Variants in ADAMTSL1 observed in about 807,000 individuals in gnomAD.
The protein encoded by ADAMTSL1 is ADAMTS like 1.
ADAMTSL1 carries 126 observed loss-of-function variants against 201.8 expected under a neutral mutation model. The ratio of observed to expected loss-of-function variants is 0.62; its 90% confidence interval spans 0.54 to 0.72. The LOEUF is 0.72. ADAMTSL1 is among the 30% of genes least tolerant of loss of function. ADAMTSL1 has a pLI of 0.00. For synonymous variants in ADAMTSL1, 1,121 were observed against 903.4 expected (o/e 1.24, Z -4.32); for missense variants, 2,679 against 2,277.8 (o/e 1.18, Z -3.59).
intron 14 of ADAMTSL1, among the ~76,000 whole-genome samples, chr9:18,710,769 A>G (rs929939882): frequency 2.0e-5 from 3 of 149,492 alleles, no homozygotes; most frequent in African/African-American, 2.5e-5. Flanking sequence ...GGGTTGGTCA[A>G]TTTAAATACT....
chr9:17,928,100 T>C (rs1455670361), intron 1 of ADAMTSL1, among the ~76,000 whole-genome samples: 2 of 151,916 alleles, frequency 1.3e-5, no homozygotes, highest in African/African-American at 4.8e-5. Context: ...GCTCAGGTGA[T>C]TCTCCCACCT....
intron 2 of ADAMTSL1, among the ~76,000 whole-genome samples, chr9:18,218,676 C>G (rs771649571): frequency 2.4e-4 from 36 of 151,896 alleles, no homozygotes; most frequent in Non-Finnish European, 3.4e-4. Context: ...ATTAATCATT[C>G]ATATATATAA....
At chr9:18,073,002 C>T (rs1345944387) in intron 1 of ADAMTSL1, among the ~76,000 whole-genome samples, 4 of 152,204 alleles carry the variant, frequency 2.6e-5, no homozygotes, top group African/African-American at 7.2e-5. Flanking sequence ...AGCGAGACAA[C>T]GAAGCTGATA....
chr9:18,868,020 G>A (rs1249170175), intron 23 of ADAMTSL1, among the ~76,000 whole-genome samples: 2 of 151,978 alleles, frequency 1.3e-5, no homozygotes, highest in Non-Finnish European at 2.9e-5. Flanking sequence ...TTTTTTTCTA[G>A]TCTTTTTACT....
rs1563786798 is a variant in ADAMTSL1 at position 18,773,059 on chromosome 9, T to C, written c.2397+2278T>C. 3.3e-5 allele frequency among the ~76,000 whole-genome samples: 5 copies of C among 152,190 alleles called. No individual in the cohort carries two copies. The South Asian group carries it at 1.0e-3, about 32-fold the overall frequency. ...GGCTCCACATTGACCCTGTCATCCT[T>C]ATGACCATTCCCCTGGCCGTCTGGC... On this transcript the variant is annotated intron_variant, in intron 17 of 28. Coordinates refer to ENST00000380548, the MANE Select transcript of ADAMTSL1 (RefSeq NM_001040272.6).
At chr9:18,220,265 C>T (rs1001404497) in intron 2 of ADAMTSL1, among the ~76,000 whole-genome samples, 1 of 152,068 alleles carries the variant, frequency 6.6e-6, no homozygotes, top group Non-Finnish European at 1.5e-5. Context: ...CTGTTTTGCT[C>T]TTACATTTTA....
chr9:18,564,371 C>A (rs573672600), intron 3 of ADAMTSL1, among the ~76,000 whole-genome samples: 1 of 152,032 alleles, frequency 6.6e-6, no homozygotes, highest in Non-Finnish European at 1.5e-5. Flanking sequence ...GTGAGATGAC[C>A]GGGGTACCTC....
At chr9:18,597,284 A>T (rs1197123485) in intron 4 of ADAMTSL1, among the ~76,000 whole-genome samples, 4 of 152,296 alleles carry the variant, frequency 2.6e-5, no homozygotes, top group African/African-American at 9.6e-5. Flanking sequence ...ATGTGAGCTA[A>T]ATTTTGCTGT....
At chr9:17,966,088 T>G (rs1300694853) in intron 1 of ADAMTSL1, among the ~76,000 whole-genome samples, 2 of 152,276 alleles carry the variant, frequency 1.3e-5, no homozygotes, top group African/African-American at 4.8e-5. Flanking sequence ...ATGGTCCACA[T>G]ATTTTAGAAA....
intron 2 of ADAMTSL1, among the ~76,000 whole-genome samples, chr9:18,290,585 C>T (rs918541383): frequency 1.3e-5 from 2 of 151,934 alleles, no homozygotes; most frequent in Admixed American, 6.6e-5. Context: ...AAGACCACAA[C>T]AGGATCTTCC....
In ADAMTSL1 at chr9:18,899,198, T is replaced by C. The variant is rs367619043; in HGVS notation, c.4852-6584T>C. 3.9e-5 allele frequency among the ~76,000 whole-genome samples: 6 copies of C among 152,184 alleles called. 1 individual carries two copies. The highest frequency in any genetic ancestry group is 2.6e-4 in the Admixed American group (4 of 15,290). ...ATCATGAATGAACTCCCATTCACAA[T>C]TGCTACAAAAAGAATAAAATACCTA... On this transcript the variant is annotated intron_variant, in intron 26 of 28. Transcript: ENST00000380548.
At chr9:18,014,528 A>G (rs1820176039) in intron 1 of ADAMTSL1, among the ~76,000 whole-genome samples, 1 of 152,122 alleles carries the variant, frequency 6.6e-6, no homozygotes, top group Non-Finnish European at 1.5e-5. Context: ...CACTAAGAGT[A>G]TACACCTTAT....
intron 2 of ADAMTSL1, among the ~76,000 whole-genome samples, chr9:18,454,656 A>T (rs1820535931): frequency 6.6e-6 from 1 of 152,180 alleles, no homozygotes; most frequent in Admixed American, 6.5e-5. Context: ...ACAGAGTTCC[A>T]ATCCCACTTT....
At chr9:17,978,147 G>A (rs933668668) in intron 1 of ADAMTSL1, among the ~76,000 whole-genome samples, 1 of 151,868 alleles carries the variant, frequency 6.6e-6, no homozygotes, top group Non-Finnish European at 1.5e-5. Context: ...TCATTTGTAT[G>A]GAATATCTTT....
At chr9:18,539,051 C>G (rs10963627) in intron 3 of ADAMTSL1, among the ~76,000 whole-genome samples, 41,726 of 152,028 alleles carry the variant, frequency 0.27, 6,168 homozygotes, top group East Asian at 0.63. Context: ...CAGCCAAGAG[C>G]CACTCTAAGA....
At position 17,911,418 on chromosome 9, in the gene ADAMTSL1, G is replaced by A. The variant is rs918990353; in HGVS notation, c.87+4496G>A. On this transcript the variant is annotated intron_variant, in intron 1 of 29. Transcript: ENST00000680146. ...CTGTAGCAATCCACTGTAAAACGAA[G>A]AAGGCTGGTCAAGAGGATGTGTTAC... 2.9e-5 allele frequency among the ~76,000 whole-genome samples: 2 copies of A among 68,640 alleles called. 1 individual carries two copies. Among genetic ancestry groups the A allele is most frequent in the Non-Finnish European group, 8.9e-5 (2 of 22,440 alleles). 45.0% of individuals were successfully genotyped at this position (68,640 alleles called of 152,430 possible).
At chr9:18,032,870 C>A (rs1195699479) in intron 1 of ADAMTSL1, among the ~76,000 whole-genome samples, 1 of 145,184 alleles carries the variant, frequency 6.9e-6, no homozygotes, top group Non-Finnish European at 1.5e-5. Flanking sequence ...AGCAACCTGT[C>A]CTGGTGCTCA....
At chr9:18,728,814 G>A (rs1338185183) in intron 15 of ADAMTSL1, among the ~76,000 whole-genome samples, 1 of 152,240 alleles carries the variant, frequency 6.6e-6, no homozygotes, top group Admixed American at 6.5e-5. Context: ...AGATCCAGGA[G>A]AGTCCTGTGT....
At chr9:17,939,094 G>C (rs1210540365) in intron 1 of ADAMTSL1, among the ~76,000 whole-genome samples, 3 of 152,156 alleles carry the variant, frequency 2.0e-5, no homozygotes, top group South Asian at 4.1e-4. Context: ...TGCATGTGTA[G>C]CTTGATACCT....
Sources: allele counts gnomAD v4.1 joint callset (sites outside exome capture counted in the v4.1 genomes callset), GRCh38; gene constraint gnomAD v4.1.1; transcripts MANE v1.5; gene names NCBI Gene and HGNC (gene_info 2026-07-23, HGNC 2026-07-21).